The following NFASC variants were observed in gnomAD, a reference collection of about 807,000 sequenced individuals.
The protein encoded by NFASC is neurofascin homolog.
In NFASC, 43 loss-of-function variants were observed where a neutral mutation model predicts 147.5. That is an observed-to-expected ratio of 0.29 (90% CI 0.23 to 0.38). NFASC has a LOEUF of 0.38. Ranked by LOEUF, NFASC falls within the 10% of genes least tolerant of loss-of-function variation. The pLI, the probability that NFASC is intolerant of heterozygous loss-of-function variation, is 1.00. For synonymous variants in NFASC, 622 were observed against 665.5 expected (o/e 0.93, Z 1.01); for missense variants, 1,320 against 1,689.0 (o/e 0.78, Z 3.83).
intron 1 of NFASC, among the ~76,000 whole-genome samples, chr1:204,895,681 G>T (rs1320453945): frequency 6.6e-6 from 1 of 152,150 alleles, no homozygotes; most frequent in Non-Finnish European, 1.5e-5. Flanking sequence ...ACTTTTAGAT[G>T]TTTACTTCCT....
At chr1:204,974,571 C>G (rs2095353247) in intron 13 of NFASC, 86 bp from the exon 14 acceptor site, 2 of 1,461,094 alleles carry the variant, frequency 1.4e-6, no homozygotes, top group Non-Finnish European at 1.9e-6. Flanking sequence ...TCCACAGCCC[C>G]CATGGTCTCT....
chr1:204,965,441 C>T (rs1400139765), intron 8 of NFASC, among the ~76,000 whole-genome samples: 1 of 152,200 alleles, frequency 6.6e-6, no homozygotes, highest in African/African-American at 2.4e-5. Flanking sequence ...TTCTTCATAA[C>T]CTTTCCTTTA....
In NFASC at chr1:204,968,892, A is replaced by G; in HGVS notation, c.913A>G (p.Asn305Asp). Residue 305 changes from asparagine (N) to aspartate (D), a missense_variant, in exon 10 of 30, where the codon AAT becomes GAT. Coordinates refer to ENST00000339876, the MANE Select transcript of NFASC (RefSeq NM_001005388.3). This position sits in a 1 kb window ranked among gnomAD's most constrained non-coding sequence, Gnocchi z 5.4. ...ENFNKALRIT[N>D]VSEEDSGEYF... The stretch of plus-strand genomic sequence containing the variant: ...CTTTAATAAGGCCCTGCGTATCACA[A>G]ATGTCTCTGAGGAAGACTCCGGGGA... The G allele has an allele frequency of 6.2e-7, 1 of 1,614,034 alleles. No individual in the cohort carries two copies. The highest frequency in any genetic ancestry group is 1.7e-4 in the Middle Eastern group (1 of 6,022).
At chr1:204,981,644 G>T (rs2095511632) in intron 20 of NFASC, among the ~76,000 whole-genome samples, 154 bp from the exon 21 acceptor site, 1 of 152,226 alleles carries the variant, frequency 6.6e-6, no homozygotes, top group Admixed American at 6.5e-5. Context: ...GGACTCACTG[G>T]GGTGGGGGAT....
chr1:204,853,221 T>C (rs2075853235), intron 1 of NFASC, among the ~76,000 whole-genome samples: 1 of 152,226 alleles, frequency 6.6e-6, no homozygotes, highest in African/African-American at 2.4e-5. Context: ...TTAATATACT[T>C]GGAGTCCATA....
chr1:204,880,906 A>G (rs1425577176), intron 1 of NFASC, among the ~76,000 whole-genome samples: 1 of 152,216 alleles, frequency 6.6e-6, no homozygotes, highest in East Asian at 1.9e-4. Context: ...GAGACAGATG[A>G]AAGTGGATGA....
At chr1:204,976,950 G>A in intron 16 of NFASC, 155 bp downstream of exon 16, 1 of 1,407,584 alleles carries the variant, frequency 7.1e-7, no homozygotes, top group Non-Finnish European at 9.2e-7. Flanking sequence ...GTCAGGGTTA[G>A]GGAGCTGCCA....
chr1:204,895,221 A>G (rs1233497856), intron 1 of NFASC, among the ~76,000 whole-genome samples: 1 of 151,916 alleles, frequency 6.6e-6, no homozygotes, highest in African/African-American at 2.4e-5. Flanking sequence ...TCACACCACA[A>G]CCCAATATCA....
chr1:204,901,242 A>G (rs1253086517), intron 1 of NFASC, among the ~76,000 whole-genome samples: 3 of 152,108 alleles, frequency 2.0e-5, no homozygotes, highest in Non-Finnish European at 4.4e-5. Flanking sequence ...GAGATTTAAA[A>G]CTGGGAGTTT....
intron 1 of NFASC, among the ~76,000 whole-genome samples, chr1:204,851,298 T>C (rs4951138): frequency 0.014 from 2,085 of 152,058 alleles, 19 homozygotes; most frequent in South Asian, 0.026. Flanking sequence ...ATATAACATC[T>C]AAAAATGTGT....
chr1:204,885,781 C>T (rs192666926), intron 1 of NFASC, among the ~76,000 whole-genome samples: 16 of 152,180 alleles, frequency 1.1e-4, no homozygotes, highest in South Asian at 2.1e-4. Flanking sequence ...TTCTTCACCC[C>T]CTTTGGCATT....
chr1:204,889,309 C>G (rs1255009246), intron 1 of NFASC, among the ~76,000 whole-genome samples: 1 of 152,202 alleles, frequency 6.6e-6, no homozygotes, highest in African/African-American at 2.4e-5. Context: ...AGGCTTGTTT[C>G]CACATCACCT....
chr1:204,842,952 G>T (rs779144492), intron 1 of NFASC, among the ~76,000 whole-genome samples: 3 of 152,250 alleles, frequency 2.0e-5, no homozygotes, highest in Non-Finnish European at 4.4e-5. Context: ...AATGCTGTAT[G>T]CTGGGCCCTC....
intron 4 of NFASC, among the ~76,000 whole-genome samples, chr1:204,951,299 C>T (rs1383316450): frequency 6.7e-6 from 1 of 150,162 alleles, no homozygotes; most frequent in East Asian, 2.0e-4. Context: ...TAGGTGCTCA[C>T]CACCATGCCC....
intron 2 of NFASC, among the ~76,000 whole-genome samples, chr1:204,940,378 A>G (rs2093277090): frequency 6.6e-6 from 1 of 152,146 alleles, no homozygotes; most frequent in Admixed American, 6.5e-5. Context: ...ACTTGAACCC[A>G]GGAGGTGGAG....
chr1:204,957,875 A>T, intron 8 of NFASC, 49 bp downstream of exon 8: 1 of 1,568,314 alleles, frequency 6.4e-7, no homozygotes, highest in Non-Finnish European at 8.8e-7. Flanking sequence ...AAAGAAGCCC[A>T]CTGATCCCAC....
chr1:204,923,049 C>T (rs1379440297), intron 2 of NFASC, among the ~76,000 whole-genome samples: 1 of 152,214 alleles, frequency 6.6e-6, no homozygotes, highest in African/African-American at 2.4e-5. Flanking sequence ...CCAAAGCCCC[C>T]CATCTAAGAA....
chr1:204,833,069 C>T (rs1340432190), intron 1 of NFASC, among the ~76,000 whole-genome samples: 1 of 152,238 alleles, frequency 6.6e-6, no homozygotes, highest in African/African-American at 2.4e-5. Context: ...TAGGCACTTC[C>T]ACAGCTTTGC....
chr1:204,838,671 G>A (rs1246705451), intron 1 of NFASC, among the ~76,000 whole-genome samples: 1 of 152,174 alleles, frequency 6.6e-6, no homozygotes, highest in Non-Finnish European at 1.5e-5. Flanking sequence ...TACAAATAAT[G>A]TGCTGTGGTG....
Sources: allele counts gnomAD v4.1 joint callset (sites outside exome capture counted in the v4.1 genomes callset), GRCh38; gene constraint gnomAD v4.1.1; non-coding constraint Gnocchi (gnomAD v3.1); transcripts MANE v1.5; gene names NCBI Gene and HGNC (gene_info 2026-07-23, HGNC 2026-07-21).